The following SCAPER variants were observed in gnomAD, a reference collection of about 807,000 sequenced individuals.
The protein encoded by SCAPER is S phase cyclin A-associated protein in the endoplasmic reticulum.
SCAPER carries 98 observed loss-of-function variants against 182.2 expected under a neutral mutation model. The ratio of observed to expected loss-of-function variants is 0.54; its 90% CI spans 0.46 to 0.64. The LOEUF (loss-of-function observed/expected upper bound fraction) is 0.64, where lower values mean the gene tolerates loss of function less well. Ranked by LOEUF, SCAPER falls within the 30% of genes least tolerant of loss-of-function variation. SCAPER has a pLI of 0.00. For missense variants in SCAPER, 1,432 were observed against 1,690.0 expected, an observed-to-expected ratio of 0.85 and a Z score of 2.68; for synonymous variants, 605 against 564.6, an observed-to-expected ratio of 1.07 and a Z score of -1.01.
intron 15 of SCAPER, among the ~76,000 whole-genome samples, chr15:76,751,665 CGA>C (rs2062090615): frequency 6.6e-6 from 1 of 151,522 alleles, no homozygotes; most frequent in African/African-American, 2.4e-5. Flanking sequence ...TGGGAAAACT[CGA>C]CAGCCACATG....
intron 20 of SCAPER, among the ~76,000 whole-genome samples, chr15:76,689,804 C>CA (rs1347456004): frequency 6.0e-5 from 9 of 149,954 alleles, no homozygotes; most frequent in South Asian, 2.1e-4. Context: ...AAGAGGTGTC[C>CA]AAAAAAAACT....
chr15:76,545,910 C>A (rs1006985315), intron 23 of SCAPER, among the ~76,000 whole-genome samples: 3 of 152,026 alleles, frequency 2.0e-5, no homozygotes, highest in East Asian at 3.9e-4. Context: ...CTCCATAAGG[C>A]AAAAAACAGA....
intron 25 of SCAPER, among the ~76,000 whole-genome samples, chr15:76,453,294 G>A (rs2142862834): frequency 6.6e-6 from 1 of 152,246 alleles, no homozygotes; most frequent in Middle Eastern, 3.4e-3. Context: ...CTAAACCTCA[G>A]AGCCCATTCA....
chr15:76,760,348 A>G (rs1389558210), intron 14 of SCAPER, among the ~76,000 whole-genome samples: 2 of 152,222 alleles, frequency 1.3e-5, no homozygotes, highest in African/African-American at 4.8e-5. Flanking sequence ...ACTATTGCCA[A>G]TTTATTACAA....
Position 76,578,515 on chromosome 15 carries a change from G to T in SCAPER, c.2712-4231C>A, listed in dbSNP as rs534129465. On this transcript the variant is annotated intron_variant, in intron 22 of 31. Transcript: ENST00000563290. ...AAGCAGCTCAGCACAGAGAGAGAGAGACTCCATTTGTTTGGGAGAAAATAA... is the reference window on the plus strand; with the variant it reads ...AAGCAGCTCAGCACAGAGAGAGAGATACTCCATTTGTTTGGGAGAAAATAA... Among the ~76,000 whole-genome samples the T allele has an allele frequency of 7.2e-5, 11 of 152,328 alleles. No homozygotes were observed. The South Asian group carries it at 2.1e-3, about 29-fold the overall frequency.
At chr15:76,815,425 A>T (rs2066988111) in intron 5 of SCAPER, among the ~76,000 whole-genome samples, 1 of 152,216 alleles carries the variant, frequency 6.6e-6, no homozygotes, top group South Asian at 2.1e-4. Flanking sequence ...ACATACATAC[A>T]GTCAAGCATC....
intron 20 of SCAPER, among the ~76,000 whole-genome samples, chr15:76,677,367 G>A (rs2146946281): frequency 6.8e-6 from 1 of 146,124 alleles, no homozygotes; most frequent in East Asian, 2.0e-4. Flanking sequence ...TGCAGTAGAA[G>A]GAGCACTAAA....
intron 22 of SCAPER, among the ~76,000 whole-genome samples, chr15:76,609,982 G>C (rs557021372): frequency 6.6e-6 from 1 of 152,100 alleles, no homozygotes; most frequent in African/African-American, 2.4e-5. Flanking sequence ...AGAAGGTTAG[G>C]CTCTGGTGAA....
rs561781717 is a variant in SCAPER at position 76,657,000 on chromosome 15, G to A, written c.2645+8653C>T. On this transcript the variant is annotated intron_variant, in intron 21 of 31. Transcript: ENST00000563290. ...CACATCCAGATGAAGTAGAGGAAGA[G>A]GAACCCAACCCCAAAGCTAGTGGAA... Among the ~76,000 whole-genome samples the A allele has an allele frequency of 3.3e-5, 5 of 152,026 alleles. No individual in the cohort carries two copies. In the East Asian group the frequency reaches 9.6e-4, roughly 29 times the overall value.
intron 21 of SCAPER, among the ~76,000 whole-genome samples, chr15:76,649,112 G>C (rs563519044): frequency 7.2e-4 from 45 of 62,780 alleles, no homozygotes; most frequent in Non-Finnish European, 2.1e-3. Context: ...AGGAGAGAGA[G>C]CTGTTCTCCT....
At chr15:76,369,100 C>A (rs1323691739) in intron 29 of SCAPER, among the ~76,000 whole-genome samples, 1 of 152,162 alleles carries the variant, frequency 6.6e-6, no homozygotes, top group Non-Finnish European at 1.5e-5. Context: ...TCAAGTCATC[C>A]TTGGTATCAA....
chr15:76,406,175 T>C (rs913586237), intron 26 of SCAPER, among the ~76,000 whole-genome samples: 1 of 151,904 alleles, frequency 6.6e-6, no homozygotes, highest in Non-Finnish European at 1.5e-5. Flanking sequence ...AACTCTTCAA[T>C]TTAGAAAGTG....
At chr15:76,639,201 G>A (rs1240602152) in intron 21 of SCAPER, among the ~76,000 whole-genome samples, 1 of 152,176 alleles carries the variant, frequency 6.6e-6, no homozygotes, top group East Asian at 1.9e-4. Context: ...GAAGGACTGT[G>A]TTAGTTCAGA....
intron 5 of SCAPER, among the ~76,000 whole-genome samples, chr15:76,819,401 G>C (rs930390056): frequency 2.6e-5 from 4 of 152,190 alleles, no homozygotes; most frequent in African/African-American, 9.6e-5. Flanking sequence ...CCAGAGGAAC[G>C]ATCAGGCAGC....
intron 22 of SCAPER, 32 bp from the exon 23 acceptor site, chr15:76,574,316 T>C (rs1485164382): frequency 6.2e-7 from 1 of 1,603,142 alleles, no homozygotes; most frequent in South Asian, 1.1e-5. Context: ...AAGAATGACA[T>C]TAATGAAACA....
intron 22 of SCAPER, among the ~76,000 whole-genome samples, chr15:76,607,426 C>G (rs549538340): frequency 1.3e-5 from 2 of 152,282 alleles, no homozygotes; most frequent in South Asian, 4.1e-4. Flanking sequence ...GTAACCTGAC[C>G]TTTGTCTCTG....
chr15:76,858,405 C>G (rs765125863), intron 3 of SCAPER, among the ~76,000 whole-genome samples: 1 of 151,916 alleles, frequency 6.6e-6, no homozygotes, highest in Non-Finnish European at 1.5e-5. Flanking sequence ...AGAAAGACAC[C>G]AACTACTGTT....
intron 24 of SCAPER, among the ~76,000 whole-genome samples, chr15:76,500,410 C>A (rs1597054421): frequency 6.6e-6 from 1 of 152,146 alleles, no homozygotes; most frequent in Non-Finnish European, 1.5e-5. Context: ...TAAAAGACAA[C>A]CTGGGGAAGA....
intron 14 of SCAPER, among the ~76,000 whole-genome samples, chr15:76,759,555 T>C (rs1379646132): frequency 2.0e-5 from 3 of 152,170 alleles, no homozygotes; most frequent in Non-Finnish European, 4.4e-5. Flanking sequence ...ATTGTTACAA[T>C]AGCAATTAAA....
Sources: allele counts gnomAD v4.1 joint callset (sites outside exome capture counted in the v4.1 genomes callset), GRCh38; gene constraint gnomAD v4.1.1; transcripts MANE v1.5; gene names NCBI Gene and HGNC (gene_info 2026-07-23, HGNC 2026-07-21).